Variants in PPP2R3A observed in about 807,000 individuals in gnomAD.
The protein encoded by PPP2R3A is serine/threonine-protein phosphatase 2A regulatory subunit B'' subunit alpha.
A neutral mutation model predicts 106.9 loss-of-function variants in PPP2R3A; 80 were observed. The ratio of observed to expected loss-of-function variants is 0.75; its 90% CI spans 0.62 to 0.90. The LOEUF (loss-of-function observed/expected upper bound fraction) is 0.90. Ranked by LOEUF, PPP2R3A falls within the 40% of genes least tolerant of loss-of-function variation. The probability of loss-of-function intolerance (pLI) is 0.00; values close to 1 mark genes in which losing one functional copy is unlikely to be tolerated. For synonymous variants in PPP2R3A, 483 were observed against 468.3 expected, an observed-to-expected ratio of 1.03 and a Z score of -0.41; for missense variants, 1,386 against 1,350.4, an observed-to-expected ratio of 1.03 and a Z score of -0.41.
intron 4 of PPP2R3A, among the ~76,000 whole-genome samples, chr3:136,043,446 G>A (rs979070513): frequency 6.6e-6 from 1 of 152,004 alleles, no homozygotes; most frequent in Admixed American, 6.5e-5. Context: ...GTGACAGAAC[G>A]AGACTCCATC....
chr3:136,069,131 G>A (rs1936351693), intron 5 of PPP2R3A, among the ~76,000 whole-genome samples: 1 of 152,198 alleles, frequency 6.6e-6, no homozygotes, highest in African/African-American at 2.4e-5. Flanking sequence ...GGAAAAACTA[G>A]TGAGATTTGA....
At chr3:136,123,074 G>A (rs928174046) in intron 13 of PPP2R3A, among the ~76,000 whole-genome samples, 1 of 151,222 alleles carries the variant, frequency 6.6e-6, no homozygotes, top group Non-Finnish European at 1.5e-5. Flanking sequence ...ACCAGTTGCT[G>A]TGTTAATTTA....
chr3:136,008,587 A>G (rs559871397), intron 2 of PPP2R3A, among the ~76,000 whole-genome samples: 41 of 152,312 alleles, frequency 2.7e-4, no homozygotes, highest in African/African-American at 9.1e-4. Flanking sequence ...GTACTGATGT[A>G]GAAGGGTCAA....
chr3:136,008,351 T>G (rs541100893), intron 2 of PPP2R3A, among the ~76,000 whole-genome samples: 2 of 152,164 alleles, frequency 1.3e-5, no homozygotes, highest in Non-Finnish European at 2.9e-5. Flanking sequence ...TAGGAAACCA[T>G]TCTCTCCTCC....
At chr3:136,122,081 C>T in intron 13 of PPP2R3A, among the ~76,000 whole-genome samples, 1 of 152,040 alleles carries the variant, frequency 6.6e-6, no homozygotes, top group Non-Finnish European at 1.5e-5. Flanking sequence ...TTTATTACAA[C>T]CTGTGGGATA....
At chr3:136,100,039 G>C (rs1937319654) in intron 10 of PPP2R3A, among the ~76,000 whole-genome samples, 1 of 152,070 alleles carries the variant, frequency 6.6e-6, no homozygotes, top group South Asian at 2.1e-4. Context: ...CCAAATAGAT[G>C]AGCTAGATCT....
At chr3:136,045,651 C>T (rs763218060) in intron 4 of PPP2R3A, among the ~76,000 whole-genome samples, 2 of 152,130 alleles carry the variant, frequency 1.3e-5, no homozygotes, top group Admixed American at 1.3e-4. Flanking sequence ...CCAAAAAAAC[C>T]TAGGCTGTGG....
At chr3:135,977,685 A>ATTTTTTT (rs1474837710) in intron 1 of PPP2R3A, among the ~76,000 whole-genome samples, 1 of 102,684 alleles carries the variant, frequency 9.7e-6, no homozygotes, top group Admixed American at 9.9e-5. Context: ...TCTGATCAGC[A>ATTTTTTT]TTCTTTTTTT....
At chr3:136,113,601 G>C (rs1184725537) in intron 13 of PPP2R3A, among the ~76,000 whole-genome samples, 1 of 152,124 alleles carries the variant, frequency 6.6e-6, no homozygotes, top group Non-Finnish European at 1.5e-5. Context: ...GACTAGCCTG[G>C]TCAACATGGC....
intron 10 of PPP2R3A, among the ~76,000 whole-genome samples, chr3:136,093,968 A>G (rs1404228985): frequency 1.3e-5 from 2 of 152,250 alleles, no homozygotes; most frequent in Non-Finnish European, 2.9e-5. Context: ...CACAATAGCC[A>G]AAAGTTGGGA....
At chr3:136,075,816 T>C (rs1190322842) in intron 6 of PPP2R3A, among the ~76,000 whole-genome samples, 1 of 152,090 alleles carries the variant, frequency 6.6e-6, no homozygotes, top group Non-Finnish European at 1.5e-5. Context: ...AAAAATGTGG[T>C]TTAATAATAT....
At chr3:135,999,731 G>A (rs1414815214) in intron 1 of PPP2R3A, among the ~76,000 whole-genome samples, 1 of 151,968 alleles carries the variant, frequency 6.6e-6, no homozygotes, top group African/African-American at 2.4e-5. Flanking sequence ...TCAGCAAGAT[G>A]ACTCGTGAAA....
At chr3:136,107,404 A>G (rs377261403) in intron 13 of PPP2R3A, among the ~76,000 whole-genome samples, 1 of 138,942 alleles carries the variant, frequency 7.2e-6, no homozygotes, top group African/African-American at 2.7e-5. Context: ...CCACCTATCT[A>G]TGTATATTTA....
At chr3:136,027,590 T>C (rs1232885669) in intron 3 of PPP2R3A, among the ~76,000 whole-genome samples, 1 of 152,190 alleles carries the variant, frequency 6.6e-6, no homozygotes, top group Non-Finnish European at 1.5e-5. Context: ...GTTAAAATCT[T>C]ATCCCCCTAA....
intron 6 of PPP2R3A, among the ~76,000 whole-genome samples, chr3:136,075,239 A>G (rs188790922): frequency 2.5e-4 from 38 of 152,324 alleles, no homozygotes; most frequent in African/African-American, 8.9e-4. Flanking sequence ...TTGGTGAAAA[A>G]TGGTCAGATT....
chr3:136,075,628 G>C (rs888672791), intron 6 of PPP2R3A, among the ~76,000 whole-genome samples: 2 of 152,098 alleles, frequency 1.3e-5, no homozygotes, highest in African/African-American at 4.8e-5. Flanking sequence ...TCAAAAAGAA[G>C]AGGAGAAAAA....
chr3:136,139,538 C>G (rs531428897), intron 13 of PPP2R3A, among the ~76,000 whole-genome samples: 3 of 151,670 alleles, frequency 2.0e-5, no homozygotes, highest in Non-Finnish European at 4.4e-5. Flanking sequence ...ACTAAAAATA[C>G]AAAAGTTAGC....
At chr3:135,982,114 G>T (rs1223971816) in intron 1 of PPP2R3A, among the ~76,000 whole-genome samples, 1 of 151,748 alleles carries the variant, frequency 6.6e-6, no homozygotes, top group African/African-American at 2.4e-5. Flanking sequence ...AAAATTAAGA[G>T]ATATTTTTGA....
At chr3:136,009,250 AG>A (rs950995034) in intron 2 of PPP2R3A, among the ~76,000 whole-genome samples, 9 of 151,966 alleles carry the variant, frequency 5.9e-5, no homozygotes, top group African/African-American at 2.2e-4. Flanking sequence ...GGGGGCAGTA[AG>A]GGTTCTTGCA....
Sources: gnomAD v4.1 joint callset for allele counts (sites outside exome capture counted in the v4.1 genomes callset) on GRCh38, gnomAD v4.1.1 for gene constraint, MANE v1.5 for transcripts, NCBI Gene and HGNC (gene_info 2026-07-23, HGNC 2026-07-21) for gene names.